The following PER3 variants were observed in gnomAD, a reference collection of about 807,000 sequenced individuals.
PER3 encodes the protein period circadian regulator 3, also known as period circadian protein homolog 3.
In PER3, 107 loss-of-function variants were observed where a neutral mutation model predicts 127.2. That is an observed-to-expected ratio of 0.84 (90% CI 0.72 to 0.99). PER3 has a LOEUF of 0.99. Among genes scored for constraint, PER3 ranks in the 50% least tolerant of loss-of-function variants. PER3 has a pLI of 0.00. For missense variants in PER3, 1,560 were observed against 1,525.8 expected (o/e 1.02, Z -0.37); for synonymous variants, 618 against 585.8 (o/e 1.05, Z -0.79).
chr1:7,805,799 G>T (rs2097190290), intron 10 of PER3, among the ~76,000 whole-genome samples: 1 of 152,072 alleles, frequency 6.6e-6, no homozygotes, highest in East Asian at 1.9e-4. Context: ...TAAAGATACG[G>T]CCTGGATTTC....
chr1:7,806,806 A>ATATATATAT (rs1431205616), intron 10 of PER3, among the ~76,000 whole-genome samples: 47 of 58,580 alleles, frequency 8.0e-4, no homozygotes, highest in East Asian at 7.1e-3. Context: ...AAAAAAAAAA[A>ATATATATAT]AAAAAAATAT....
intron 4 of PER3, chr1:7,787,650 A>G: frequency 3.2e-6 from 1 of 313,108 alleles, no homozygotes; most frequent in Non-Finnish European, 6.2e-6. Flanking sequence ...ATGCTTATGT[A>G]ATGAGGTTTG....
chr1:7,820,288 CCTT>C (rs778610875), intron 15 of PER3, 49 bp downstream of exon 15: 2 of 1,575,964 alleles, frequency 1.3e-6, no homozygotes, highest in East Asian at 2.2e-5. Context: ...GTAAATACAT[CCTT>C]CTTGTTTCTC....
chr1:7,836,840 T>G (rs2097360893), intron 20 of PER3, 159 bp from the exon 21 acceptor site: 1 of 501,358 alleles, frequency 2.0e-6, no homozygotes, highest in Non-Finnish European at 3.5e-6. Context: ...CTTTACCAAC[T>G]TGAAAAGGAA....
chr1:7,791,141 A>G (rs2097118286), intron 5 of PER3, among the ~76,000 whole-genome samples: 1 of 152,338 alleles, frequency 6.6e-6, no homozygotes, highest in African/African-American at 2.4e-5. Context: ...TGGGCTCCGA[A>G]CCCAAATTTC....
Position 7,827,043 on chromosome 1 carries a change from C to G in PER3, c.2189-75C>G, listed in dbSNP as rs181416831. ...ATGCTCATTCGTCAGCTACTTATAA[C>G]TACCTGTAAGTGGCATCCTTCTCTT... On this transcript the variant is annotated intron_variant, in intron 17 of 21. Transcript: ENST00000377532. The G allele has an allele frequency of 1.6e-3, 1,835 of 1,143,852 alleles. 11 individuals carry two copies. The highest frequency in any genetic ancestry group is 0.014 in the Middle Eastern group (52 of 3,846). The allele number at this position is 1,143,852 out of a possible 1,614,324, so 70.9% of individuals were successfully genotyped here. A position where few individuals can be genotyped will look rare whatever the true frequency, so the allele number is the denominator to read the frequency against.
At chr1:7,791,501 G>A (rs1460782487) in intron 5 of PER3, among the ~76,000 whole-genome samples, 1 of 152,170 alleles carries the variant, frequency 6.6e-6, no homozygotes, top group Non-Finnish European at 1.5e-5. Context: ...CTCAGCCTGT[G>A]ATGGGAGGGG....
At chr1:7,828,939 CA>C (rs971543122) in intron 18 of PER3, among the ~76,000 whole-genome samples, 31 of 150,772 alleles carry the variant, frequency 2.1e-4, no homozygotes, top group Admixed American at 7.3e-4. Flanking sequence ...TGCTGAGTGA[CA>C]AAAAAAAACT....
In PER3 at chr1:7,826,589, G is replaced by T. The variant is rs760891425; in HGVS notation, c.2067G>T (p.Ala689=). The change falls in exon 17 of 22, where the codon GCG becomes GCT. Residue 689 remains alanine (A), a synonymous_variant. Transcript: ENST00000377532. This position sits in a 1 kb window ranked among gnomAD's most constrained non-coding sequence, Gnocchi z 4.2. ...GGCTCACAGCGGCTGTTCTGTCAGC[G>T]CACACCCAGAAGGAAGAGCAGAATT... ...HVGLTAAVLS[A]HTQKEEQNYV... The T allele has an allele frequency of 6.2e-7, 1 of 1,612,626 alleles. No individual in the cohort carries two copies. The highest frequency in any genetic ancestry group is 1.3e-5 in the African/African-American group (1 of 74,986).
chr1:7,795,781 CAT>C (rs1373227754), intron 6 of PER3, among the ~76,000 whole-genome samples: 1 of 152,244 alleles, frequency 6.6e-6, no homozygotes, highest in African/African-American at 2.4e-5. Flanking sequence ...AATTTTCAAA[CAT>C]AACACAAAAG....
In PER3 at chr1:7,785,058, G is replaced by C. The variant is rs1464959708; in HGVS notation, c.128+53G>C. 5 of 1,544,068 alleles carry C rather than the reference G, an allele frequency of 3.2e-6. No individual in the cohort carries two copies. In the African/African-American group the frequency reaches 7.1e-5, roughly 22 times the overall value. On this transcript the variant is annotated intron_variant, in intron 2 of 21. Transcript: ENST00000377532. ...CCCATGCGTTCGTTGTCCTTCCCTG[G>C]AGCAGGGAAAGGGGGACCTAAATCT...
chr1:7,808,922 C>T lies in PER3; in HGVS notation c.1166C>T (p.Thr389Ile), dbSNP rs2097207370. Residue 389 changes from threonine to isoleucine, a missense_variant, in exon 11 of 22, where the codon ACC (threonine) becomes ATC (isoleucine). By Grantham distance (89) the Thr-to-Ile change is moderately conservative. This residue lies in a region of PER3 where 1,332 missense variants were observed against 1,223.6 expected (regional missense o/e 1.09). Transcript: ENST00000377532. ...CCACTAAATGAGGATGTTTTTGCTA[C>T]CAAAATTAAAAAGATGAACGATAAT... ...TSPLNEDVFA[T>I]KIKKMNDNDK... 1 of 1,599,258 alleles carries T rather than the reference C, an allele frequency of 6.3e-7. No homozygotes were observed. Among genetic ancestry groups the T allele is most frequent in the Non-Finnish European group, 8.6e-7 (1 of 1,167,766 alleles).
chr1:7,787,980 A>C, intron 4 of PER3, 65 bp from the exon 5 acceptor site: 1 of 1,197,996 alleles, frequency 8.3e-7, no homozygotes, highest in South Asian at 1.2e-5. Flanking sequence ...GAAGAAATTT[A>C]CCTTTCAGGG....
At chr1:7,833,148 T>G (rs1424848330) in intron 19 of PER3, among the ~76,000 whole-genome samples, 1 of 152,230 alleles carries the variant, frequency 6.6e-6, no homozygotes, top group East Asian at 1.9e-4. Context: ...AACATTCTTT[T>G]GTATTTTTTA....
rs1010924800 is a variant in PER3, at chr1:7,798,738, C to G, written c.793+65C>G. The G allele has an allele frequency of 8.7e-5, 119 of 1,364,922 alleles. 1 individual carries two copies. In the African/African-American group the frequency reaches 1.5e-3, roughly 17 times the overall value. The allele number at this position is 1,364,922 out of a possible 1,614,324, so 84.6% of individuals were successfully genotyped here. A position where few individuals can be genotyped will look rare whatever the true frequency, so the allele number is the denominator to read the frequency against. Reference sequence around the variant, plus strand: ...ATAGGAACATGGGAAAGTCTGTTTACGTCAGTCATAGAACAACAAAAAGAG... The same window carrying G: ...ATAGGAACATGGGAAAGTCTGTTTAGGTCAGTCATAGAACAACAAAAAGAG... On this transcript the variant is annotated intron_variant, in intron 7 of 21. Coordinates refer to ENST00000377532, the MANE Select transcript of PER3 (RefSeq NM_001377275.1).
At chr1:7,795,986 A>G (rs184155101) in intron 6 of PER3, among the ~76,000 whole-genome samples, 6 of 152,276 alleles carry the variant, frequency 3.9e-5, no homozygotes, top group Non-Finnish European at 7.4e-5. Flanking sequence ...TAAGAGAGGA[A>G]GTTCTCATTC....
chr1:7,827,814 A>G lies in PER3; in HGVS notation c.2885A>G (p.Tyr962Cys). The G allele has an allele frequency of 3.8e-6, 6 of 1,595,878 alleles. No homozygotes were observed. The highest frequency in any genetic ancestry group is 1.7e-4 in the Middle Eastern group (1 of 5,992). The change falls in exon 18 of 22, where the codon TAT becomes TGT. Residue 962 changes from tyrosine (Y) to cysteine (C), a missense_variant and splice_region_variant. Transcript: ENST00000377532. ...MRRNTCPQTE[Y>C]QCVTGNNGSE... ...AGGAACACGTGCCCACAAACTGAGT[A>G]TGTAAGTGATGCTCATTTTCAACAC...
In PER3 at chr1:7,827,200, C is replaced by G. The variant is rs201449626; in HGVS notation, c.2271C>G (p.Asp757Glu). 1.0e-4 allele frequency: 165 copies of G among 1,613,770 alleles called. No individual in the cohort carries two copies. Among genetic ancestry groups the G allele is most frequent in the Non-Finnish European group, 1.4e-4 (160 of 1,179,894 alleles). The stretch of plus-strand genomic sequence containing the variant: ...GGAAGAAGCTGCCGGAGCCGCCAGA[C>G]AGCAGCAGCTCGAACACCGGCTCTG... ...HKRKKLPEPP[D>E]SSSSNTGSGP... The change falls in exon 18 of 22, where the codon GAC becomes GAG. Residue 757 changes from aspartate (D) to glutamate (E), a missense_variant. Asp to Glu is a conservative substitution (Grantham distance 45). Coordinates refer to ENST00000377532, the MANE Select transcript of PER3 (RefSeq NM_001377275.1).
chr1:7,819,364 G>A lies in PER3; in HGVS notation c.1602G>A (p.Arg534=), dbSNP rs1173072824. Residue 534 remains arginine (R), a synonymous_variant, in exon 14 of 22, where the codon AGG becomes AGA. Transcript: ENST00000377532. ...SVYTEPCEDL[R]NDEHSPSYQQ... ...ACACTGAGCCCTGTGAGGATTTGAG[G>A]AACGATGAGCACAGCCCATCCTATC... 1 of 1,613,868 alleles carries A rather than the reference G, an allele frequency of 6.2e-7. No homozygotes were observed. The highest frequency in any genetic ancestry group is 1.1e-5 in the South Asian group (1 of 91,072).
Sources: gnomAD v4.1 joint callset for allele counts (sites outside exome capture counted in the v4.1 genomes callset) on GRCh38, gnomAD v4.1.1 for gene constraint, gnomAD v4.1.1 regional missense constraint, Gnocchi (gnomAD v3.1) non-coding constraint, MANE v1.5 for transcripts, NCBI Gene and HGNC (gene_info 2026-07-23, HGNC 2026-07-21) for gene names.